Variants in SGMS2 observed in about 807,000 individuals in gnomAD.
SGMS2 encodes the protein phosphatidylcholine:ceramide cholinephosphotransferase 2.
In SGMS2, 21 loss-of-function variants were observed where a neutral mutation model predicts 43.8. That is an observed-to-expected ratio of 0.48 (90% CI 0.34 to 0.69). The LOEUF (loss-of-function observed/expected upper bound fraction) is 0.69, where lower values mean the gene tolerates loss of function less well. Ranked by LOEUF, SGMS2 falls within the 30% of genes least tolerant of loss-of-function variation. The probability of loss-of-function intolerance (pLI) is 0.01; values close to 1 mark genes in which losing one functional copy is unlikely to be tolerated. For missense variants in SGMS2, 384 were observed against 443.2 expected, an observed-to-expected ratio of 0.87 and a Z score of 1.20; for synonymous variants, 167 against 160.6, an observed-to-expected ratio of 1.04 and a Z score of -0.30.
At chr4:107,838,638 A>G (rs1047735459) in intron 1 of SGMS2, among the ~76,000 whole-genome samples, 1 of 151,854 alleles carries the variant, frequency 6.6e-6, no homozygotes, top group African/African-American at 2.4e-5. Context: ...TCACTCCACT[A>G]CTATATTATA....
intron 1 of SGMS2, among the ~76,000 whole-genome samples, chr4:107,827,363 T>G (rs1215007237): frequency 6.6e-6 from 1 of 152,182 alleles, no homozygotes; most frequent in Non-Finnish European, 1.5e-5. Flanking sequence ...CCCCAAAGCT[T>G]ATAGTCCAGT....
At chr4:107,896,085 T>C in intron 3 of SGMS2, 77 bp downstream of exon 3, 1 of 1,339,804 alleles carries the variant, frequency 7.5e-7, no homozygotes, top group Non-Finnish European at 1.0e-6. Flanking sequence ...AGATTATTTT[T>C]CCTTTTTTTC....
chr4:107,876,181 A>G lies in SGMS2; in HGVS notation c.-245+17628A>G, dbSNP rs552914230. Reference sequence around the variant, plus strand: ...GCACAAATGTAATAACCAGTAACCCATTATATTTTAAATAAATATCAATGT... The same window carrying G: ...GCACAAATGTAATAACCAGTAACCCGTTATATTTTAAATAAATATCAATGT... On this transcript the variant is annotated intron_variant, in intron 2 of 6. Transcript: ENST00000690982. Among the ~76,000 whole-genome samples the G allele has an allele frequency of 1.2e-4, 18 of 152,292 alleles. No homozygotes were observed. The South Asian group carries it at 3.7e-3, about 32-fold the overall frequency.
At chr4:107,878,665 T>C (rs78267135) in intron 2 of SGMS2, among the ~76,000 whole-genome samples, 4,137 of 152,302 alleles carry the variant, frequency 0.027, 129 homozygotes, top group East Asian at 0.1. Flanking sequence ...TACCGTGGAT[T>C]ATTAAAGCGA....
chr4:107,869,756 T>C (rs1728413643), intron 2 of SGMS2, among the ~76,000 whole-genome samples: 2 of 149,514 alleles, frequency 1.3e-5, no homozygotes, highest in African/African-American at 2.5e-5. Context: ...GAGGACAGAT[T>C]AAAAAAAAAA....
chr4:107,870,880 C>T (rs545382859), intron 2 of SGMS2, among the ~76,000 whole-genome samples: 2 of 152,142 alleles, frequency 1.3e-5, no homozygotes, highest in East Asian at 1.9e-4. Flanking sequence ...TATAGGCAAG[C>T]ACTTTTATTT....
intron 1 of SGMS2, among the ~76,000 whole-genome samples, chr4:107,835,834 A>G (rs542403856): frequency 1.6e-4 from 25 of 152,302 alleles, no homozygotes; most frequent in Admixed American, 5.2e-4. Flanking sequence ...TTGATGAACT[A>G]GTTTCTGAGC....
At chr4:107,825,604 T>TTTTTC (rs944398103) in intron 1 of SGMS2, among the ~76,000 whole-genome samples, 1 of 150,294 alleles carries the variant, frequency 6.7e-6, no homozygotes, top group African/African-American at 2.5e-5. Context: ...GTGTGTGTGG[T>TTTTTC]TTTTCTTTTC....
At chr4:107,830,740 G>A (rs758208450) in intron 1 of SGMS2, among the ~76,000 whole-genome samples, 4 of 151,860 alleles carry the variant, frequency 2.6e-5, no homozygotes, top group Admixed American at 1.3e-4. Context: ...TTTTTTGCTT[G>A]TAAATGTTTA....
chr4:107,901,567 G>A (rs899836858), intron 4 of SGMS2, among the ~76,000 whole-genome samples: 11 of 152,174 alleles, frequency 7.2e-5, no homozygotes, highest in African/African-American at 2.7e-4. Context: ...GCTTACAAGA[G>A]CCAACACAGT....
chr4:107,828,841 T>C (rs1725737748), intron 1 of SGMS2, among the ~76,000 whole-genome samples: 2 of 152,230 alleles, frequency 1.3e-5, no homozygotes, highest in South Asian at 4.1e-4. Flanking sequence ...ATCAACCTTC[T>C]CTATGGAGTC....
chr4:107,899,304 C>CCA (rs962402172), intron 3 of SGMS2, among the ~76,000 whole-genome samples: 9 of 151,998 alleles, frequency 5.9e-5, no homozygotes, highest in African/African-American at 2.2e-4. Context: ...TTCCCCCACC[C>CCA]CACACACACA....
At chr4:107,861,457 G>A (rs1193518002) in intron 2 of SGMS2, among the ~76,000 whole-genome samples, 4 of 152,122 alleles carry the variant, frequency 2.6e-5, no homozygotes, top group East Asian at 1.9e-4. Flanking sequence ...TATCAACTAC[G>A]AACCCCAAAT....
At chr4:107,894,770 T>C (rs1332943941) in intron 2 of SGMS2, among the ~76,000 whole-genome samples, 1 of 152,218 alleles carries the variant, frequency 6.6e-6, no homozygotes, top group Non-Finnish European at 1.5e-5. Flanking sequence ...AATGTGTTGT[T>C]CTTGAATCTG....
chr4:107,895,503 C>T lies in SGMS2; in HGVS notation c.-51C>T, dbSNP rs1346054406. 2 of 1,531,960 alleles carry T rather than the reference C, an allele frequency of 1.3e-6. No individual in the cohort carries two copies. Among genetic ancestry groups the T allele is most frequent in the South Asian group, 1.3e-5 (1 of 78,392 alleles). 94.9% of individuals were successfully genotyped at this position (1,531,960 alleles called of 1,614,324 possible). On this transcript the variant is annotated 5_prime_UTR_variant, in exon 3 of 7. It introduces an in-frame stop codon into an upstream open reading frame of the 5' UTR. Coordinates refer to ENST00000690982, the MANE Select transcript of SGMS2 (RefSeq NM_001375905.1). ...AGGATTGAAAAAAGCTAAATTTCCA[C>T]AAAGAACAAGAACTTGACCATCTCC...
chr4:107,845,943 C>T (rs1239180645), intron 1 of SGMS2, among the ~76,000 whole-genome samples: 2 of 152,154 alleles, frequency 1.3e-5, no homozygotes, highest in Non-Finnish European at 2.9e-5. Context: ...GAATGCTGCC[C>T]TGACCACAAA....
chr4:107,830,868 A>G (rs536603536), intron 1 of SGMS2, among the ~76,000 whole-genome samples: 1 of 152,326 alleles, frequency 6.6e-6, no homozygotes, highest in East Asian at 1.9e-4. Flanking sequence ...TCTTTGAAAC[A>G]GAGAGAGGTC....
chr4:107,841,659 A>G (rs1726512110), intron 1 of SGMS2, among the ~76,000 whole-genome samples: 2 of 151,962 alleles, frequency 1.3e-5, no homozygotes, highest in South Asian at 2.1e-4. Flanking sequence ...GTAGGTGTAT[A>G]TACTTATGGC....
chr4:107,838,449 T>A (rs1470455078), intron 1 of SGMS2, among the ~76,000 whole-genome samples: 1 of 151,902 alleles, frequency 6.6e-6, no homozygotes, highest in Non-Finnish European at 1.5e-5. Context: ...TTCTTCTTTT[T>A]TTGAAGTTAC....
Sources: allele counts gnomAD v4.1 joint callset (sites outside exome capture counted in the v4.1 genomes callset), GRCh38; gene constraint gnomAD v4.1.1; transcripts MANE v1.5; gene names NCBI Gene and HGNC (gene_info 2026-07-23, HGNC 2026-07-21).